Variants in CPPED1 observed in about 807,000 individuals in gnomAD.
CPPED1 encodes serine/threonine-protein phosphatase CPPED1.
Under a neutral mutation model 28.0 loss-of-function variants are expected in CPPED1, and 28 were observed. The ratio of observed to expected loss-of-function variants is 1.00; its 90% CI spans 0.74 to 1.37. The LOEUF (loss-of-function observed/expected upper bound fraction) is 1.37, where lower values mean the gene tolerates loss of function less well. Among genes scored for constraint, CPPED1 ranks in the 40% most tolerant of loss-of-function variants. The probability of loss-of-function intolerance (pLI) is 0.00; values close to 1 mark genes in which losing one functional copy is unlikely to be tolerated. For synonymous variants in CPPED1, 198 were observed against 180.2 expected (o/e 1.10, Z -0.79); for missense variants, 504 against 416.5 (o/e 1.21, Z -1.83).
intron 3 of CPPED1, among the ~76,000 whole-genome samples, chr16:12,673,213 C>T (rs2079861385): frequency 6.6e-6 from 1 of 152,082 alleles, no homozygotes. Flanking sequence ...TCCAATCGTA[C>T]AGACTGCAGG....
chr16:12,782,693 C>T (rs1051630313), intron 1 of CPPED1, among the ~76,000 whole-genome samples: 1 of 151,870 alleles, frequency 6.6e-6, no homozygotes. Flanking sequence ...AACCCCATCT[C>T]TATCAAAAAT....
intron 3 of CPPED1, among the ~76,000 whole-genome samples, chr16:12,690,202 C>T (rs1010253577): frequency 6.6e-6 from 1 of 152,054 alleles, no homozygotes; most frequent in Non-Finnish European, 1.5e-5. Context: ...CAGATCCCTC[C>T]CTGTTTCATG....
At chr16:12,698,799 A>G (rs7190605) in intron 3 of CPPED1, among the ~76,000 whole-genome samples, 3,381 of 152,320 alleles carry the variant, frequency 0.022, 136 homozygotes, top group African/African-American at 0.077. Context: ...TTTTCTAAAA[A>G]AGCATAAATA....
intron 2 of CPPED1, among the ~76,000 whole-genome samples, chr16:12,729,617 G>A (rs1260415649): frequency 6.6e-6 from 1 of 152,190 alleles, no homozygotes; most frequent in Non-Finnish European, 1.5e-5. Flanking sequence ...AAGCCACTGA[G>A]CAGAAATGAC....
At chr16:12,768,723 A>C (rs1042140509) in intron 2 of CPPED1, among the ~76,000 whole-genome samples, 4 of 152,138 alleles carry the variant, frequency 2.6e-5, no homozygotes, top group African/African-American at 9.7e-5. Context: ...TTCTATTATG[A>C]AGTTAGTAGA....
intron 2 of CPPED1, among the ~76,000 whole-genome samples, chr16:12,738,098 A>G (rs1483832910): frequency 2.0e-5 from 3 of 152,174 alleles, no homozygotes; most frequent in Non-Finnish European, 4.4e-5. Context: ...TTAAGAATTC[A>G]TGTATCCGGG....
intron 1 of CPPED1, among the ~76,000 whole-genome samples, chr16:12,788,711 A>T (rs1380984959): frequency 1.3e-5 from 2 of 152,206 alleles, no homozygotes; most frequent in Non-Finnish European, 2.9e-5. Context: ...GGTGAGAGCC[A>T]TGATGAAGAC....
chr16:12,727,526 A>G (rs1250376879), intron 2 of CPPED1, among the ~76,000 whole-genome samples: 3 of 152,054 alleles, frequency 2.0e-5, no homozygotes, highest in Non-Finnish European at 4.4e-5. Flanking sequence ...CTAATTGTTA[A>G]AAGTTTTGTA....
chr16:12,759,068 T>A (rs2080391514), intron 2 of CPPED1, among the ~76,000 whole-genome samples: 1 of 142,892 alleles, frequency 7.0e-6, no homozygotes, highest in Non-Finnish European at 1.5e-5. Flanking sequence ...GGGGCTAGGG[T>A]AGCAGGATCA....
chr16:12,759,983 G>A (rs2080398864), intron 2 of CPPED1, among the ~76,000 whole-genome samples: 1 of 152,212 alleles, frequency 6.6e-6, no homozygotes, highest in South Asian at 2.1e-4. Flanking sequence ...ACCACTGAAA[G>A]CTCCTTGTTC....
intron 2 of CPPED1, among the ~76,000 whole-genome samples, chr16:12,725,854 C>A (rs550197568): frequency 6.6e-6 from 1 of 152,274 alleles, no homozygotes; most frequent in Non-Finnish European, 1.5e-5. Flanking sequence ...CACTTTGACA[C>A]CACCTCTTAC....
intron 2 of CPPED1, among the ~76,000 whole-genome samples, chr16:12,764,488 C>T (rs1174500192): frequency 6.6e-6 from 1 of 152,128 alleles, no homozygotes; most frequent in African/African-American, 2.4e-5. Context: ...CAGGCGTGAG[C>T]CACCACACCT....
chr16:12,726,490 A>G (rs1027440655), intron 2 of CPPED1, among the ~76,000 whole-genome samples: 4 of 151,494 alleles, frequency 2.6e-5, no homozygotes, highest in Non-Finnish European at 4.4e-5. Context: ...CCACAGGCAC[A>G]TATCACCACA....
rs142087757 is a variant in CPPED1 at position 12,780,412 on chromosome 16, G to C, written c.289+773C>G. On this transcript the variant is annotated intron_variant, in intron 2 of 3. Coordinates refer to ENST00000381774, the MANE Select transcript of CPPED1 (RefSeq NM_018340.3). ...GCTAGTCTCGAACACCTGAGCTCAA[G>C]TGATCCGCCCACCTCAGCCTCCCAA... is the stretch of plus-strand genomic sequence containing the variant. 6.6e-3 allele frequency among the ~76,000 whole-genome samples: 1,000 copies of C among 152,266 alleles called. 10 individuals are homozygous for C. The highest frequency in any genetic ancestry group is 0.022 in the African/African-American group (924 of 41,538).
chr16:12,728,627 A>C (rs895227888), intron 2 of CPPED1, among the ~76,000 whole-genome samples: 2 of 152,210 alleles, frequency 1.3e-5, no homozygotes, highest in Non-Finnish European at 2.9e-5. Context: ...CTTTACTTGC[A>C]TGATTGCAAC....
chr16:12,725,957 G>T (rs929564758), intron 2 of CPPED1, among the ~76,000 whole-genome samples: 33 of 152,304 alleles, frequency 2.2e-4, no homozygotes, highest in African/African-American at 7.2e-4. Context: ...TGAGGCTGGG[G>T]AGGCTGAGGC....
intron 1 of CPPED1, among the ~76,000 whole-genome samples, chr16:12,787,127 C>T: frequency 6.6e-6 from 1 of 152,178 alleles, no homozygotes; most frequent in Non-Finnish European, 1.5e-5. Flanking sequence ...AAAAATTAAC[C>T]CAGTCAGGGG....
rs1423122791 is a variant in CPPED1 at position 12,663,579 on chromosome 16, C to G, written c.*1307G>C. On this transcript the variant is annotated 3_prime_UTR_variant, in exon 4 of 4. Coordinates refer to ENST00000381774, the MANE Select transcript of CPPED1 (RefSeq NM_018340.3). Reference sequence around the variant, plus strand: ...TATAATTAACTTCTCGTCTTTTGTTCCTTATGAATTTACATATTTAATTAT... The same window carrying G: ...TATAATTAACTTCTCGTCTTTTGTTGCTTATGAATTTACATATTTAATTAT... 6.6e-6 allele frequency: 1 copy of G among 152,120 alleles called. No homozygotes were observed. The highest frequency in any genetic ancestry group is 1.5e-5 in the Non-Finnish European group (1 of 68,026). 9.4% of individuals were successfully genotyped at this position (152,120 alleles called of 1,614,324 possible). A position where few individuals can be genotyped will look rare whatever the true frequency, so the allele number is the denominator to read the frequency against.
At chr16:12,697,689 C>T (rs2079999138) in intron 3 of CPPED1, among the ~76,000 whole-genome samples, 1 of 152,168 alleles carries the variant, frequency 6.6e-6, no homozygotes, top group African/African-American at 2.4e-5. Flanking sequence ...TGGCTGCTCT[C>T]TTGTTATGAA....
Sources: gnomAD v4.1 joint callset for allele counts (sites outside exome capture counted in the v4.1 genomes callset) on GRCh38, gnomAD v4.1.1 for gene constraint, MANE v1.5 for transcripts, NCBI Gene and HGNC (gene_info 2026-07-23, HGNC 2026-07-21) for gene names.